TEC: variants seen among roughly 807,000 people sequenced by gnomAD.
TEC encodes the protein tyrosine-protein kinase Tec.
Under a neutral mutation model 93.0 loss-of-function variants are expected in TEC, and 72 were observed. The observed-to-expected ratio is 0.77, with a 90% CI of 0.64 to 0.94. The LOEUF is 0.94. Ranked by LOEUF, TEC falls within the 40% of genes least tolerant of loss-of-function variation. TEC has a pLI of 0.00. For synonymous variants in TEC, 249 were observed against 247.7 expected (o/e 1.01, Z -0.05); for missense variants, 630 against 757.9 (o/e 0.83, Z 1.98).
chr4:48,168,724 C>T, intron 5 of TEC, 98 bp from the exon 6 acceptor site: 1 of 1,277,954 alleles, frequency 7.8e-7, no homozygotes, highest in Non-Finnish European at 1.1e-6. Context: ...GAAGTTAACA[C>T]ATAGACAAGC....
chr4:48,250,268 T>C (rs1313388833), intron 1 of TEC, among the ~76,000 whole-genome samples: 1 of 152,244 alleles, frequency 6.6e-6, no homozygotes, highest in Non-Finnish European at 1.5e-5. Flanking sequence ...TTTTCTCTCA[T>C]ACTCAAATCT....
chr4:48,154,024 T>G (rs907102583), intron 9 of TEC, among the ~76,000 whole-genome samples: 1 of 152,198 alleles, frequency 6.6e-6, no homozygotes, highest in African/African-American at 2.4e-5. Flanking sequence ...ATAAAGCAAC[T>G]TTTACTTTCA....
chr4:48,149,513 A>C, intron 11 of TEC, 44 bp downstream of exon 11: 4 of 1,521,134 alleles, frequency 2.6e-6, no homozygotes, highest in Non-Finnish European at 3.5e-6. Flanking sequence ...TGATCATTTT[A>C]ATCACTACCT....
chr4:48,142,837 C>G (rs928674964), intron 14 of TEC, among the ~76,000 whole-genome samples: 1 of 152,120 alleles, frequency 6.6e-6, no homozygotes, highest in African/African-American at 2.4e-5. Flanking sequence ...TCTGCCACCA[C>G]GCCTGGCTAA....
intron 17 of TEC, 152 bp downstream of exon 17, chr4:48,138,513 A>T: frequency 1.3e-6 from 1 of 785,052 alleles, no homozygotes; most frequent in Non-Finnish European, 2.0e-6. Flanking sequence ...CCCGTTATTC[A>T]GAACTTGAGT....
intron 2 of TEC, among the ~76,000 whole-genome samples, chr4:48,213,683 T>C (rs1050317502): frequency 6.6e-6 from 1 of 152,240 alleles, no homozygotes; most frequent in Non-Finnish European, 1.5e-5. Flanking sequence ...TCTTAAATTG[T>C]CATGTGATTT....
At chr4:48,233,366 C>G in intron 1 of TEC, among the ~76,000 whole-genome samples, 2 of 123,430 alleles carry the variant, frequency 1.6e-5, no homozygotes, top group African/African-American at 6.2e-5. Context: ...TTTTTAAAGA[C>G]AAGGTCTGGC....
chr4:48,199,529 C>T (rs767368418), intron 2 of TEC, among the ~76,000 whole-genome samples: 2 of 129,106 alleles, frequency 1.5e-5, no homozygotes, highest in African/African-American at 3.0e-5. Flanking sequence ...TGCAGAGGCA[C>T]GATCTCAGCT....
chr4:48,180,222 AC>A (rs1721528984), intron 2 of TEC, among the ~76,000 whole-genome samples: 1 of 152,190 alleles, frequency 6.6e-6, no homozygotes, highest in Admixed American at 6.5e-5. Context: ...CAATATTTGG[AC>A]TGACTTTCTC....
chr4:48,182,284 CA>C (rs34844220), intron 2 of TEC, among the ~76,000 whole-genome samples: 5,366 of 140,862 alleles, frequency 0.038, 314 homozygotes, highest in African/African-American at 0.13. Context: ...GACTCCATCT[CA>C]AAAAAAAAAA....
chr4:48,157,378 G>A (rs190812226), intron 8 of TEC, among the ~76,000 whole-genome samples: 559 of 152,280 alleles, frequency 3.7e-3, no homozygotes, highest in Non-Finnish European at 6.0e-3. Context: ...AGACTTACTG[G>A]TTTCCAGCAG....
chr4:48,262,201 C>CTTTTTTTTTTTTTTTTTTTTTTT lies in TEC; in HGVS notation c.-46+7550_-46+7551insAAAAAAAAAAAAAAAAAAAAAAA, dbSNP rs10659576. 1.1e-4 allele frequency among the ~76,000 whole-genome samples: 9 copies of CTTTTTTTTTTTTTTTTTTTTTTT among 80,216 alleles called. 1 individual carries two copies. The highest frequency in any genetic ancestry group is 1.2e-4 in the Non-Finnish European group (5 of 42,428). 52.6% of individuals were successfully genotyped at this position (80,216 alleles called of 152,430 possible). ...CTTGGGTAATTGTGACCAAATGTCT[C>CTTTTTTTTTTTTTTTTTTTTTTT]TTTTTTTTTTTTTGAGACGGAGTCT... On this transcript the variant is annotated intron_variant, in intron 1 of 17. Transcript: ENST00000381501.
At chr4:48,253,074 A>T (rs1724248931) in intron 1 of TEC, among the ~76,000 whole-genome samples, 1 of 152,170 alleles carries the variant, frequency 6.6e-6, no homozygotes, top group Admixed American at 6.5e-5. Context: ...ATTTCCCCTG[A>T]ACCTCGTTAA....
At chr4:48,264,569 C>G (rs1419804156) in intron 1 of TEC, among the ~76,000 whole-genome samples, 2 of 152,076 alleles carry the variant, frequency 1.3e-5, no homozygotes, top group Admixed American at 1.3e-4. Context: ...CAGAGGTTCC[C>G]CAAATAAAAA....
intron 8 of TEC, among the ~76,000 whole-genome samples, chr4:48,159,784 TC>T: frequency 6.6e-6 from 1 of 152,228 alleles, no homozygotes; most frequent in Non-Finnish European, 1.5e-5. Flanking sequence ...CCTCAAGCAA[TC>T]TGCCCACCTC....
At position 48,160,769 on chromosome 4, in the gene TEC, A is replaced by AG. The variant is rs1306160736; in HGVS notation, c.737+2932_737+2933insC. On this transcript the variant is annotated intron_variant, in intron 8 of 17. Transcript: ENST00000381501. ...AGAAAGAAAGAAAGAAAGAAAAGAA[A>AG]AAAAGAAAGAAAGAAAAGAAAAGAA... 5.3e-3 allele frequency among the ~76,000 whole-genome samples: 765 copies of AG among 145,282 alleles called. 3 individuals are homozygous for AG. The highest frequency in any genetic ancestry group is 7.4e-3 in the Non-Finnish European group (487 of 66,174).
At chr4:48,138,866 C>T in intron 16 of TEC, 38 bp downstream of exon 16, 1 of 1,613,828 alleles carries the variant, frequency 6.2e-7, no homozygotes, top group Non-Finnish European at 8.5e-7. Context: ...TCCACTTTCT[C>T]CTCAGGGCGG....
At chr4:48,161,165 A>G (rs975945748) in intron 8 of TEC, among the ~76,000 whole-genome samples, 1 of 152,174 alleles carries the variant, frequency 6.6e-6, no homozygotes, top group African/African-American at 2.4e-5. Context: ...CTTGGTGAGA[A>G]TGGGTGAGAA....
chr4:48,186,325 G>T (rs1267096295), intron 2 of TEC, among the ~76,000 whole-genome samples: 1 of 151,752 alleles, frequency 6.6e-6, no homozygotes, highest in African/African-American at 2.4e-5. Flanking sequence ...CCCATCGTCT[G>T]GGATGTGAGG....
Sources: gnomAD v4.1 joint callset for allele counts (sites outside exome capture counted in the v4.1 genomes callset) on GRCh38, gnomAD v4.1.1 for gene constraint, MANE v1.5 for transcripts, NCBI Gene and HGNC (gene_info 2026-07-23, HGNC 2026-07-21) for gene names.